KCNN2: variants seen among roughly 807,000 people sequenced by gnomAD.
KCNN2 encodes the protein potassium calcium-activated channel subfamily N member 2.
A neutral mutation model predicts 55.5 loss-of-function variants in KCNN2; 24 were observed. The ratio of observed to expected loss-of-function variants is 0.43; its 90% confidence interval spans 0.31 to 0.61. The LOEUF is 0.61. Ranked by LOEUF, KCNN2 falls within the 20% of genes least tolerant of loss-of-function variation. KCNN2 has a pLI of 0.08. For synonymous variants in KCNN2, 431 were observed against 336.1 expected, an observed-to-expected ratio of 1.28 and a Z score of -3.09; for missense variants, 754 against 853.6, an observed-to-expected ratio of 0.88 and a Z score of 1.45.
intron 2 of KCNN2, among the ~76,000 whole-genome samples, chr5:114,256,644 A>G (rs951323454): frequency 3.3e-5 from 5 of 151,872 alleles, no homozygotes; most frequent in African/African-American, 1.2e-4. Flanking sequence ...GCATTTTTTC[A>G]TATGATTTTT....
intron 2 of KCNN2, among the ~76,000 whole-genome samples, chr5:114,386,773 G>A (rs929467836): frequency 1.3e-5 from 2 of 152,184 alleles, no homozygotes; most frequent in Non-Finnish European, 2.9e-5. Flanking sequence ...TGACTAACAT[G>A]TCAGCGAATA....
chr5:114,162,886 C>G (rs1752819985), intron 1 of KCNN2, among the ~76,000 whole-genome samples: 1 of 152,128 alleles, frequency 6.6e-6, no homozygotes, highest in Admixed American at 6.5e-5. Context: ...CCTGATTTTC[C>G]AGGTGCCGTC....
chr5:114,479,351 A>AAAAG (rs1762118777), intron 5 of KCNN2, among the ~76,000 whole-genome samples: 2 of 152,226 alleles, frequency 1.3e-5, no homozygotes, highest in African/African-American at 4.8e-5. Flanking sequence ...TCAATTCAAC[A>AAAAG]AAAGAGTTAA....
At chr5:114,411,501 G>A (rs1030574714) in intron 3 of KCNN2, among the ~76,000 whole-genome samples, 7 of 152,104 alleles carry the variant, frequency 4.6e-5, no homozygotes, top group Non-Finnish European at 7.4e-5. Context: ...ATCCAAGGAA[G>A]CCAGTGGTGC....
intron 2 of KCNN2, among the ~76,000 whole-genome samples, chr5:114,276,602 T>A (rs1434398233): frequency 2.0e-5 from 3 of 152,104 alleles, no homozygotes; most frequent in Non-Finnish European, 4.4e-5. Context: ...TTTGTCTCTT[T>A]CGATCTTTGT....
chr5:114,461,145 C>A (rs1761171296), intron 3 of KCNN2, among the ~76,000 whole-genome samples: 1 of 152,186 alleles, frequency 6.6e-6, no homozygotes, highest in Non-Finnish European at 1.5e-5. Context: ...TCCACAGAAT[C>A]CTGCTTAGCT....
chr5:114,315,997 G>A (rs672894), intron 2 of KCNN2, among the ~76,000 whole-genome samples: 69,253 of 151,888 alleles, frequency 0.46, 16,395 homozygotes, highest in East Asian at 0.84. Context: ...TCTGGGCCTT[G>A]TATTTACCAA....
intron 2 of KCNN2, among the ~76,000 whole-genome samples, chr5:114,261,178 A>G (rs1234926790): frequency 1.3e-5 from 2 of 152,220 alleles, no homozygotes; most frequent in Non-Finnish European, 2.9e-5. Flanking sequence ...AAATGATTTC[A>G]ATATCACTAA....
intron 1 of KCNN2, among the ~76,000 whole-genome samples, chr5:114,101,177 C>T (rs1751366034): frequency 6.6e-6 from 1 of 151,666 alleles, no homozygotes; most frequent in Non-Finnish European, 1.5e-5. Flanking sequence ...TTTGTTTATA[C>T]CCAGCTGTGG....
At chr5:114,240,544 G>T (rs148962177) in intron 2 of KCNN2, among the ~76,000 whole-genome samples, 1 of 149,898 alleles carries the variant, frequency 6.7e-6, no homozygotes, top group African/African-American at 2.5e-5. Context: ...CAATTCTTGT[G>T]TCTTAGCCTC....
intron 1 of KCNN2, among the ~76,000 whole-genome samples, chr5:114,198,463 TACACACAC>T (rs56335930): frequency 6.8e-6 from 1 of 147,818 alleles, no homozygotes; most frequent in African/African-American, 2.5e-5. Context: ...TATATACATA[TACACACAC>T]ACACACACAC....
intron 2 of KCNN2, among the ~76,000 whole-genome samples, chr5:114,261,833 G>A (rs1274187424): frequency 6.6e-6 from 1 of 152,176 alleles, no homozygotes; most frequent in African/African-American, 2.4e-5. Context: ...AGCTTTCAGT[G>A]AGGACCCACT....
intron 2 of KCNN2, among the ~76,000 whole-genome samples, chr5:114,392,889 T>G (rs1418100861): frequency 6.6e-6 from 1 of 151,800 alleles, no homozygotes; most frequent in Non-Finnish European, 1.5e-5. Context: ...TTGTTTTTTT[T>G]AATTAATACA....
intron 2 of KCNN2, among the ~76,000 whole-genome samples, chr5:114,319,435 C>A (rs1756571422): frequency 6.6e-6 from 1 of 152,150 alleles, no homozygotes; most frequent in Non-Finnish European, 1.5e-5. Context: ...TTTGCCTCAG[C>A]ACAGTGGAAA....
At chr5:114,214,494 G>T (rs146612536) in intron 1 of KCNN2, among the ~76,000 whole-genome samples, 3 of 152,030 alleles carry the variant, frequency 2.0e-5, no homozygotes. Flanking sequence ...TAAAGCATGG[G>T]CATTTCAAAG....
intron 3 of KCNN2, among the ~76,000 whole-genome samples, chr5:114,417,994 GTGGGGTAAATGTTTCTGCACAGA>G (rs1172329774): frequency 6.6e-6 from 1 of 152,172 alleles, no homozygotes; most frequent in Non-Finnish European, 1.5e-5. Context: ...ATGAGGACTT[GTGGGGTAAATGTTTCTGCACAGA>G]TGTGTACCTA....
chr5:114,269,301 G>A (rs1755273209), intron 2 of KCNN2, among the ~76,000 whole-genome samples: 1 of 152,030 alleles, frequency 6.6e-6, no homozygotes, highest in Non-Finnish European at 1.5e-5. Context: ...TACCCTAAAG[G>A]CACTTGGCTT....
intron 2 of KCNN2, among the ~76,000 whole-genome samples, chr5:114,310,907 G>A (rs1039761767): frequency 8.6e-5 from 13 of 152,030 alleles, no homozygotes; most frequent in African/African-American, 2.4e-4. Context: ...CAGGAAATGA[G>A]GTACAGCACT....
At chr5:114,161,847 C>A (rs966113518) in intron 1 of KCNN2, among the ~76,000 whole-genome samples, 6 of 152,188 alleles carry the variant, frequency 3.9e-5, no homozygotes, top group African/African-American at 1.4e-4. Context: ...TGGTTTTCAG[C>A]TCCATCAGGT....
Sources: allele counts gnomAD v4.1 joint callset (sites outside exome capture counted in the v4.1 genomes callset), GRCh38; gene constraint gnomAD v4.1.1; transcripts MANE v1.5; gene names NCBI Gene and HGNC (gene_info 2026-07-23, HGNC 2026-07-21).